The following RABGAP1L variants were observed in gnomAD, a reference collection of about 807,000 sequenced individuals.
RABGAP1L encodes RAB GTPase activating protein 1 like.
RABGAP1L carries 63 observed loss-of-function variants against 137.7 expected under a neutral mutation model. That is an observed-to-expected ratio of 0.46 (90% CI 0.37 to 0.56). RABGAP1L has a LOEUF of 0.56. Among genes scored for constraint, RABGAP1L ranks in the 20% least tolerant of loss-of-function variants. The pLI is 0.00. For missense variants in RABGAP1L, 1,095 were observed against 1,244.0 expected, an observed-to-expected ratio of 0.88 and a Z score of 1.80; for synonymous variants, 431 against 433.7, an observed-to-expected ratio of 0.99 and a Z score of 0.08.
intron 13 of RABGAP1L, among the ~76,000 whole-genome samples, chr1:174,598,512 C>T (rs1423060555): frequency 3.3e-5 from 5 of 152,218 alleles, no homozygotes; most frequent in African/African-American, 1.2e-4. Flanking sequence ...ATGTTGAAGT[C>T]TCCAACTATT....
chr1:174,912,542 T>C (rs1355806614), intron 19 of RABGAP1L, among the ~76,000 whole-genome samples: 1 of 152,208 alleles, frequency 6.6e-6, no homozygotes, highest in Non-Finnish European at 1.5e-5. Flanking sequence ...TGCATATTAA[T>C]AGGGCACAAA....
In RABGAP1L at chr1:174,536,006, T is replaced by C. The variant is rs138510850; in HGVS notation, c.1711-101369T>C. On this transcript the variant is annotated intron_variant, in intron 13 of 25. Coordinates refer to ENST00000681986, the MANE Select transcript of RABGAP1L (RefSeq NM_001366446.1). ...GATTTGTGAAATGAATGTGATAGCA[T>C]AATGTTATTGGAATTCATCATTGCT... 3.4e-3 allele frequency among the ~76,000 whole-genome samples: 511 copies of C among 152,334 alleles called. 2 individuals carry two copies. Among genetic ancestry groups the C allele is most frequent in the South Asian group, 0.02 (98 of 4,830 alleles).
intron 13 of RABGAP1L, among the ~76,000 whole-genome samples, chr1:174,453,712 A>C (rs965054323): frequency 3.9e-5 from 6 of 152,168 alleles, no homozygotes; most frequent in African/African-American, 7.2e-5. Flanking sequence ...AAATACATAG[A>C]TATTGAGGAA....
intron 21 of RABGAP1L, among the ~76,000 whole-genome samples, chr1:174,971,281 A>C (rs957832510): frequency 4.0e-5 from 6 of 150,990 alleles, no homozygotes; most frequent in African/African-American, 1.5e-4. Flanking sequence ...ACTAAATAAT[A>C]TATATAACTT....
intron 18 of RABGAP1L, among the ~76,000 whole-genome samples, chr1:174,796,495 T>C (rs982979469): frequency 6.6e-6 from 1 of 152,236 alleles, no homozygotes; most frequent in South Asian, 2.1e-4. Flanking sequence ...TTACCTGATA[T>C]TGATGAACAT....
chr1:174,593,206 T>G, intron 13 of RABGAP1L, among the ~76,000 whole-genome samples: 1 of 77,348 alleles, frequency 1.3e-5, no homozygotes, highest in Non-Finnish European at 2.3e-5. Context: ...GATATCCCCT[T>G]TATCATTTTT....
At position 174,229,963 on chromosome 1, in the gene RABGAP1L, C is replaced by G. The variant is rs1358829133; in HGVS notation, c.332-1182C>G. ...GACTTTTTAATGATCACCATTCTAA[C>G]TGGTGTGAGATGGTATCTCATTGTG... On this transcript the variant is annotated intron_variant, in intron 3 of 25. Coordinates refer to ENST00000681986, the MANE Select transcript of RABGAP1L (RefSeq NM_001366446.1). Among the ~76,000 whole-genome samples, 7 of 152,282 alleles carry G rather than the reference C, an allele frequency of 4.6e-5. No homozygotes were observed. The East Asian group carries it at 1.4e-3, about 29-fold the overall frequency.
In RABGAP1L at chr1:174,756,155, A is replaced by G. The variant is rs184898828; in HGVS notation, c.2211+3801A>G. ...TGGTTTTTATCCTACTGTATGTGCC[A>G]TAATTTATTTTGAGGCAGAGTCTGG... is the stretch of plus-strand genomic sequence containing the variant. On this transcript the variant is annotated intron_variant, in intron 18 of 25. Coordinates refer to ENST00000681986, the MANE Select transcript of RABGAP1L (RefSeq NM_001366446.1). Among the ~76,000 whole-genome samples, 623 of 152,204 alleles carry G rather than the reference A, an allele frequency of 4.1e-3. 3 individuals carry two copies. The highest frequency in any genetic ancestry group is 3.7e-3 in the South Asian group (18 of 4,828).
At chr1:174,696,728 C>A (rs1679289072) in intron 15 of RABGAP1L, among the ~76,000 whole-genome samples, 2 of 152,214 alleles carry the variant, frequency 1.3e-5, no homozygotes, top group South Asian at 4.1e-4. Context: ...TCTTTCTCTA[C>A]ACAGTGCTGG....
chr1:174,333,436 A>G (rs1681208014), intron 11 of RABGAP1L, among the ~76,000 whole-genome samples: 1 of 152,238 alleles, frequency 6.6e-6, no homozygotes, highest in Non-Finnish European at 1.5e-5. Context: ...CTCCATAAAT[A>G]TGTATAATTA....
chr1:174,947,132 T>C (rs1667010146), intron 19 of RABGAP1L, among the ~76,000 whole-genome samples: 2 of 150,538 alleles, frequency 1.3e-5, no homozygotes, highest in Non-Finnish European at 3.0e-5. Context: ...GAGTAAGAGG[T>C]TTAAGTAAAT....
At chr1:174,211,558 G>A (rs1195527377) in intron 1 of RABGAP1L, among the ~76,000 whole-genome samples, 1 of 152,100 alleles carries the variant, frequency 6.6e-6, no homozygotes, top group Non-Finnish European at 1.5e-5. Flanking sequence ...CTAAAAGGAT[G>A]ACAGAAAGGA....
At chr1:174,379,146 A>AT (rs1338723313) in intron 12 of RABGAP1L, among the ~76,000 whole-genome samples, 1 of 148,216 alleles carries the variant, frequency 6.7e-6, no homozygotes, top group Non-Finnish European at 1.5e-5. Flanking sequence ...ATTGATCTAT[A>AT]TCTCTGTTTT....
intron 13 of RABGAP1L, among the ~76,000 whole-genome samples, chr1:174,436,499 G>A (rs1160616315): frequency 2.6e-5 from 4 of 152,030 alleles, no homozygotes; most frequent in African/African-American, 7.2e-5. Flanking sequence ...TTTTGATGGG[G>A]TTGTTTGTTT....
At chr1:174,668,623 A>G (rs933748482) in intron 14 of RABGAP1L, among the ~76,000 whole-genome samples, 1 of 152,136 alleles carries the variant, frequency 6.6e-6, no homozygotes, top group Non-Finnish European at 1.5e-5. Flanking sequence ...TTGTATATAT[A>G]CCCAGTAGTG....
At chr1:174,368,182 C>T (rs915602815) in intron 11 of RABGAP1L, 8 of 152,180 alleles carry the variant, frequency 5.3e-5, no homozygotes, top group African/African-American at 1.9e-4. Flanking sequence ...CAATTTATCC[C>T]ATTCCTTTAA....
At chr1:174,500,947 T>C (rs1204222525) in intron 13 of RABGAP1L, among the ~76,000 whole-genome samples, 4 of 152,142 alleles carry the variant, frequency 2.6e-5, no homozygotes. Flanking sequence ...ACCAAGTTGC[T>C]TTTTTTGTCA....
chr1:174,268,622 G>C (rs1201456009), intron 7 of RABGAP1L, among the ~76,000 whole-genome samples: 2 of 152,002 alleles, frequency 1.3e-5, no homozygotes, highest in Non-Finnish European at 2.9e-5. Context: ...CTAATGATTT[G>C]ATAGACTAAA....
intron 13 of RABGAP1L, among the ~76,000 whole-genome samples, chr1:174,629,809 C>T (rs1345584624): frequency 6.6e-6 from 1 of 152,156 alleles, no homozygotes; most frequent in Non-Finnish European, 1.5e-5. Context: ...CAGGCGTGAG[C>T]CATCGCGCCT....
Sources: allele counts gnomAD v4.1 joint callset (sites outside exome capture counted in the v4.1 genomes callset), GRCh38; gene constraint gnomAD v4.1.1; transcripts MANE v1.5; gene names NCBI Gene and HGNC (gene_info 2026-07-23, HGNC 2026-07-21).